Variants in SCML1 observed in about 807,000 individuals in gnomAD.
SCML1 encodes the protein sex comb on midleg-like protein 1.
For missense variants in SCML1, 137 were observed against 258.1 expected, an observed-to-expected ratio of 0.53 and a Z score of 3.22; for synonymous variants, 104 against 103.6, an observed-to-expected ratio of 1.00 and a Z score of -0.02.
At chrX:17,745,255 T>C in intron 2 of SCML1, 1 of 351,420 alleles carries the variant, frequency 2.8e-6, no homozygotes, top group Non-Finnish European at 5.0e-6. Context: ...AACTGTTGTC[T>C]TAAGTGTAGT....
chrX:17,738,595 CAG>C (rs755229136), intron 1 of SCML1, among the ~76,000 whole-genome samples: 80 of 111,182 alleles, frequency 7.2e-4, no homozygotes, highest in Non-Finnish European at 1.3e-3. Context: ...TTAAAACAAA[CAG>C]AGCGTTTTGC....
chrX:17,741,365 C>T (rs996920801), intron 1 of SCML1, among the ~76,000 whole-genome samples: 1 of 111,503 alleles, frequency 9.0e-6, no homozygotes, highest in Non-Finnish European at 1.9e-5. Context: ...AGGACCAGTA[C>T]CAGGCGGTTG....
Position 17,754,447 on chromosome X carries a change from G to T in SCML1, c.*1055G>T, listed in dbSNP as rs1224680459. 1 of 112,037 alleles carries T rather than the reference G, an allele frequency of 8.9e-6. No individual in the cohort carries two copies. The highest frequency in any genetic ancestry group is 1.9e-5 in the Non-Finnish European group (1 of 53,110). 9.2% of individuals were successfully genotyped at this position (112,037 alleles called of 1,213,427 possible). A position where few individuals can be genotyped will look rare whatever the true frequency, so the allele number is the denominator to read the frequency against. ...AGGACAAGAAACAATCTGTAGATTG[G>T]TTTCCATACAGGGAAGTTCTCCGTC... On this transcript the variant is annotated 3_prime_UTR_variant, in exon 8 of 8. Coordinates refer to ENST00000380041, the MANE Select transcript of SCML1 (RefSeq NM_001037540.3).
At chrX:17,752,249 C>A (rs1444684124) in intron 7 of SCML1, among the ~76,000 whole-genome samples, 1 of 111,439 alleles carries the variant, frequency 9.0e-6, no homozygotes, top group Non-Finnish European at 1.9e-5. Context: ...ATGACAGATA[C>A]AAAGATCCTC....
intron 1 of SCML1, among the ~76,000 whole-genome samples, chrX:17,742,177 G>A (rs1458177827): frequency 1.8e-5 from 2 of 111,444 alleles, no homozygotes; most frequent in Non-Finnish European, 3.8e-5. Flanking sequence ...ATTGTCGTGC[G>A]ATGTAAACTT....
rs1219716149 is a variant in SCML1 at position 17,744,213 on chromosome X, C to T, written c.27C>T (p.Ile9=). 2.5e-6 allele frequency: 3 copies of T among 1,199,416 alleles called. No individual in the cohort carries two copies. The highest frequency in any genetic ancestry group is 2.3e-6 in the Non-Finnish European group (2 of 885,890). The change falls in exon 2 of 8, where the codon ATC becomes ATT. Residue 9 remains isoleucine (I), a synonymous_variant. Coordinates refer to ENST00000380041, the MANE Select transcript of SCML1 (RefSeq NM_001037540.3). MMSNSSSE[I]DVIKTRIPTY... is the part of the protein sequence containing the mutation. ...TGATGTCTAACAGCTCCAGTGAAAT[C>T]GATGTGGTTTGTATTCAAATTGAAA...
chrX:17,745,468 A>G lies in SCML1; in HGVS notation c.46A>G (p.Ile16Val), dbSNP rs1305244511. 3 of 1,156,526 alleles carry G rather than the reference A, an allele frequency of 2.6e-6. No individual in the cohort carries two copies. The highest frequency in any genetic ancestry group is 2.3e-6 in the Non-Finnish European group (2 of 851,742). Residue 16 changes from isoleucine to valine, a missense_variant, in exon 3 of 8, where the codon ATA (isoleucine) becomes GTA (valine). Physicochemically the swap from Ile to Val is conservative, Grantham distance 29 (BLOSUM62 3). Transcript: ENST00000380041. The part of the protein sequence containing the change: ...SSEIDVIKTR[I>V]PTYDEDDNTI... ...AAATTTTCCTCAGATAAAAACAAGA[A>G]TACCTACTTACGATGAAGATGACAA...
At chrX:17,745,691 G>A in intron 3 of SCML1, 152 bp downstream of exon 3, 1 of 401,274 alleles carries the variant, frequency 2.5e-6, no homozygotes, top group South Asian at 5.5e-5. Context: ...CAGAGAATGA[G>A]CACTTAACCA....
In SCML1 at chrX:17,751,277, A is replaced by G. The variant is rs180878015; in HGVS notation, c.704-538A>G. Among the ~76,000 whole-genome samples the G allele has an allele frequency of 2.7e-5, 3 of 112,371 alleles. No homozygotes were observed. In the Admixed American group the frequency reaches 2.8e-4, roughly 11 times the overall value. On this transcript the variant is annotated intron_variant, in intron 6 of 7. Coordinates refer to ENST00000380041, the MANE Select transcript of SCML1 (RefSeq NM_001037540.3). ...GTGGGGAAGATTTGATAAAAGTACT[A>G]ATTTGGTTCTTAAAGATAATGGGGT...
chrX:17,751,836 A>G lies in SCML1; in HGVS notation c.725A>G (p.Asn242Ser). 8.3e-7 allele frequency: 1 copy of G among 1,210,138 alleles called. No homozygotes were observed. Among genetic ancestry groups the G allele is most frequent in the Non-Finnish European group, 1.1e-6 (1 of 894,804 alleles). Residue 242 changes from asparagine (N) to serine (S), a missense_variant, in exon 7 of 8, where the codon AAT becomes AGT. Coordinates refer to ENST00000380041, the MANE Select transcript of SCML1 (RefSeq NM_001037540.3). ...GAAGTTACAAGGTCACCAGTTGAAA[A>G]TGACGGTTACATAGAGGAAGGAAGC... ...PPSVTRSPVE[N>S]DGYIEEGSIT... is the part of the protein sequence containing the mutation.
chrX:17,738,455 T>C (rs1475684738), intron 1 of SCML1, among the ~76,000 whole-genome samples: 1 of 112,686 alleles, frequency 8.9e-6, no homozygotes, highest in Non-Finnish European at 1.9e-5. Flanking sequence ...AAGCGGGGCG[T>C]GGGCTGGGTG....
rs141361852 is a variant in SCML1, at chrX:17,752,094, G to T, written c.855+128G>T. On this transcript the variant is annotated intron_variant, in intron 7 of 7. Coordinates refer to ENST00000380041, the MANE Select transcript of SCML1 (RefSeq NM_001037540.3). ...AGCTGATTTTTCCATATATGAGAAA[G>T]CTTATTTTGCCCAAGGTTAGCCTTA... The T allele has an allele frequency of 1.8e-4, 133 of 733,036 alleles. No homozygotes were observed. The African/African-American group carries it at 2.5e-3, about 14-fold the overall frequency. 60.4% of individuals were successfully genotyped at this position (733,036 alleles called of 1,213,427 possible). A position where few individuals can be genotyped will look rare whatever the true frequency, so the allele number is the denominator to read the frequency against.
At chrX:17,752,915 A>G (rs886858652) in intron 7 of SCML1, among the ~76,000 whole-genome samples, 6 of 111,020 alleles carry the variant, frequency 5.4e-5, no homozygotes, top group Non-Finnish European at 1.1e-4. Flanking sequence ...TCTGAAATTC[A>G]TTTTTACTAT....
At chrX:17,749,326 G>A (rs1392546085) in intron 4 of SCML1, 74 bp from the exon 5 acceptor site, 4 of 592,080 alleles carry the variant, frequency 6.8e-6, no homozygotes, top group South Asian at 4.0e-5. Context: ...GTATTTTCAC[G>A]TTACTTTTCT....
upstream of SCML1, chrX:17,737,311 T>G (rs1398361238): frequency 3.5e-5 from 3 of 86,189 alleles, 1 homozygote; most frequent in South Asian, 1.3e-3. Context: ...CACAGCCATC[T>G]CCTTAGCAAA....
At position 17,750,109 on chromosome X, in the gene SCML1, G is replaced by T; in HGVS notation, c.519G>T (p.Pro173=). The T allele has an allele frequency of 8.3e-7, 1 of 1,211,922 alleles. No individual in the cohort carries two copies. The highest frequency in any genetic ancestry group is 1.1e-6 in the Non-Finnish European group (1 of 895,466). The change falls in exon 6 of 8, where the codon CCG becomes CCT. Residue 173 remains proline, a synonymous_variant. Coordinates refer to ENST00000380041, the MANE Select transcript of SCML1 (RefSeq NM_001037540.3). ...EYQRAELEED[P]ILSRTPSPVH... is the part of the protein sequence containing the mutation. The stretch of plus-strand genomic sequence containing the variant: ...AGCGAGCTGAGCTGGAGGAGGACCC[G>T]ATCCTCAGCCGCACTCCGAGTCCAG...
intron 7 of SCML1, among the ~76,000 whole-genome samples, chrX:17,752,820 A>G (rs2066724986): frequency 9.0e-6 from 1 of 111,719 alleles, no homozygotes; most frequent in South Asian, 3.7e-4. Flanking sequence ...CATTCATCAT[A>G]AAGACAACAT....
chrX:17,750,815 TCA>T (rs1030479768), intron 6 of SCML1, among the ~76,000 whole-genome samples: 7 of 112,846 alleles, frequency 6.2e-5, no homozygotes, highest in Non-Finnish European at 1.1e-4. Context: ...TTTGGCTAAT[TCA>T]CACACACAAA....
chrX:17,738,369 C>G (rs1036200864), intron 1 of SCML1, among the ~76,000 whole-genome samples: 5 of 111,844 alleles, frequency 4.5e-5, no homozygotes, highest in Non-Finnish European at 9.4e-5. Context: ...CGGCTCTCCC[C>G]GAGTGCGGCA....
Sources: gnomAD v4.1 joint callset for allele counts (sites outside exome capture counted in the v4.1 genomes callset) on GRCh38, gnomAD v4.1.1 for gene constraint, MANE v1.5 for transcripts, NCBI Gene and HGNC (gene_info 2026-07-23, HGNC 2026-07-21) for gene names.